The following SGK1 variants were observed in gnomAD, a reference collection of about 807,000 sequenced individuals.
The protein encoded by SGK1 is serine/threonine-protein kinase Sgk1.
Under a neutral mutation model 64.2 loss-of-function variants are expected in SGK1, and 26 were observed. The observed-to-expected ratio is 0.40, with a 90% CI of 0.30 to 0.56. The LOEUF is 0.56. Among genes scored for constraint, SGK1 ranks in the 20% least tolerant of loss-of-function variants. The pLI, the probability that SGK1 is intolerant of heterozygous loss-of-function variation, is 0.38. For missense variants in SGK1, 519 were observed against 645.6 expected (o/e 0.80, Z 2.12); for synonymous variants, 265 against 239.7 (o/e 1.11, Z -0.98).
intron 2 of SGK1, chr6:134,215,158 T>C (rs1298051101): frequency 1.9e-5 from 8 of 426,318 alleles, no homozygotes; most frequent in Non-Finnish European, 3.7e-5. Context: ...GAGAGAGCTT[T>C]GTTGCCCAGG....
At chr6:134,170,498 C>A in intron 13 of SGK1, 63 bp from the exon 14 acceptor site, 1 of 1,463,442 alleles carries the variant, frequency 6.8e-7, no homozygotes, top group South Asian at 1.3e-5. Flanking sequence ...ACAGGGAAAT[C>A]TTGACCAGGC....
chr6:134,196,757 C>T (rs924230771), intron 3 of SGK1, among the ~76,000 whole-genome samples: 1 of 152,188 alleles, frequency 6.6e-6, no homozygotes, highest in Non-Finnish European at 1.5e-5. Context: ...AGTTGAAGTA[C>T]GGGATGCCAA....
At chr6:134,316,646 T>C (rs1777688883) in intron 1 of SGK1, among the ~76,000 whole-genome samples, 1 of 147,040 alleles carries the variant, frequency 6.8e-6, no homozygotes, top group Non-Finnish European at 1.5e-5. Context: ...ACATTATTCA[T>C]ACTTTGAGTT....
Position 134,172,791 on chromosome 6 carries a change from A to G in SGK1, c.835-17T>C. 1 of 1,560,632 alleles carries G rather than the reference A, an allele frequency of 6.4e-7. No individual in the cohort carries two copies. The highest frequency in any genetic ancestry group is 8.8e-7 in the Non-Finnish European group (1 of 1,131,452). On this transcript the variant is annotated splice_polypyrimidine_tract_variant and intron_variant, in intron 8 of 13. Transcript: ENST00000367858. ...GTAGAACAACTGCAGGAGACAGAACAAAGTCATTCTGGGTTGCAAATGAAT... is the reference window on the plus strand; with the variant it reads ...GTAGAACAACTGCAGGAGACAGAACGAAGTCATTCTGGGTTGCAAATGAAT...
chr6:134,175,982 T>A lies in SGK1; in HGVS notation c.362-1396A>T, dbSNP rs922828926. The A allele has an allele frequency of 4.5e-6, 5 of 1,103,862 alleles. No individual in the cohort carries two copies. The African/African-American group carries it at 4.9e-5, about 11-fold the overall frequency. The allele number at this position is 1,103,862 out of a possible 1,614,324, so 68.4% of individuals were successfully genotyped here. A position where few individuals can be genotyped will look rare whatever the true frequency, so the allele number is the denominator to read the frequency against. ...GTCGTCTCTGCACTAAAGGAAGAAG[T>A]ACAATCTGCATTTCACTTTTTTTTT... On this transcript the variant is annotated intron_variant, in intron 3 of 13. Transcript: ENST00000367858.
chr6:134,293,652 T>G (rs1178101811), intron 1 of SGK1, among the ~76,000 whole-genome samples: 2 of 152,130 alleles, frequency 1.3e-5, no homozygotes, highest in Non-Finnish European at 2.9e-5. Context: ...TTTCGTGAGT[T>G]AGGAAAAAGT....
chr6:134,252,429 C>T (rs1052232736), intron 2 of SGK1, among the ~76,000 whole-genome samples: 3 of 152,142 alleles, frequency 2.0e-5, no homozygotes, highest in Non-Finnish European at 2.9e-5. Context: ...GGAACAAGGG[C>T]TTGATCAGGA....
chr6:134,290,150 CA>C (rs35039086), intron 1 of SGK1, among the ~76,000 whole-genome samples: 24,863 of 75,938 alleles, frequency 0.33, 3,448 homozygotes, highest in African/African-American at 0.55. Flanking sequence ...AGCTCCTTCT[CA>C]AAAAAAAAAA....
chr6:134,207,447 A>G lies in SGK1; in HGVS notation c.286-16T>C, dbSNP rs756746665. 6.4e-7 allele frequency: 1 copy of G among 1,574,622 alleles called. No homozygotes were observed. Among genetic ancestry groups the G allele is most frequent in the Admixed American group, 1.7e-5 (1 of 59,362 alleles). On this transcript the variant is annotated splice_polypyrimidine_tract_variant and intron_variant, in intron 2 of 13. Coordinates refer to ENST00000367858, the MANE Select transcript of SGK1 (RefSeq NM_001143676.3). ...GCTCTCTCACCTTTAAAACATAAAG[A>G]GAAAAGAAGTGATATAAAAATGGCT...
chr6:134,219,470 CAT>C (rs1776043743), intron 2 of SGK1, among the ~76,000 whole-genome samples: 1 of 152,108 alleles, frequency 6.6e-6, no homozygotes, highest in Non-Finnish European at 1.5e-5. Context: ...TATATCAAAA[CAT>C]ATAATTGGCC....
intron 10 of SGK1, 109 bp from the exon 11 acceptor site, chr6:134,171,841 T>G (rs1189291916): frequency 1.4e-6 from 1 of 695,198 alleles, no homozygotes; most frequent in East Asian, 2.7e-5. Context: ...GCTTGGAAGA[T>G]AGATATCTTT....
chr6:134,308,111 G>A (rs959912269), intron 1 of SGK1, among the ~76,000 whole-genome samples: 2 of 151,998 alleles, frequency 1.3e-5, no homozygotes, highest in Admixed American at 6.5e-5. Context: ...AAACCACACC[G>A]GAAGCTATGT....
intron 1 of SGK1, chr6:134,282,992 A>G (rs1777117484): frequency 6.6e-6 from 1 of 151,918 alleles, no homozygotes; most frequent in Admixed American, 6.6e-5. Context: ...AATAGCTGCT[A>G]TGTGAAAGAT....
At chr6:134,285,253 G>C (rs901065049) in intron 1 of SGK1, among the ~76,000 whole-genome samples, 1 of 152,194 alleles carries the variant, frequency 6.6e-6, no homozygotes, top group Non-Finnish European at 1.5e-5. Context: ...GAGGTCGGCA[G>C]ATTGCCTGAG....
At chr6:134,275,708 C>T (rs1777008249) in intron 1 of SGK1, among the ~76,000 whole-genome samples, 2 of 152,158 alleles carry the variant, frequency 1.3e-5, no homozygotes, top group South Asian at 4.1e-4. Flanking sequence ...GACCAAGTCT[C>T]CTAGGGTCTG....
At chr6:134,212,083 T>C (rs1775900696) in intron 2 of SGK1, among the ~76,000 whole-genome samples, 1 of 151,408 alleles carries the variant, frequency 6.6e-6, no homozygotes, top group African/African-American at 2.4e-5. Flanking sequence ...GGACGGAGTC[T>C]CTCTCTGTCG....
chr6:134,275,188 A>G (rs1000303266), intron 1 of SGK1, among the ~76,000 whole-genome samples: 1 of 152,160 alleles, frequency 6.6e-6, no homozygotes, highest in Non-Finnish European at 1.5e-5. Context: ...AGTAAATAAA[A>G]TAAAATAATT....
At chr6:134,225,485 A>G (rs1453253556) in intron 2 of SGK1, among the ~76,000 whole-genome samples, 1 of 152,200 alleles carries the variant, frequency 6.6e-6, no homozygotes, top group Non-Finnish European at 1.5e-5. Context: ...ACTGTCTCTA[A>G]AAAGAGGAAG....
intron 2 of SGK1, among the ~76,000 whole-genome samples, chr6:134,236,005 T>C (rs1776359590): frequency 6.6e-6 from 1 of 152,178 alleles, no homozygotes; most frequent in Admixed American, 6.5e-5. Flanking sequence ...AGGTCAGCCC[T>C]GATTTTGAGG....
Sources: gnomAD v4.1 joint callset for allele counts (sites outside exome capture counted in the v4.1 genomes callset) on GRCh38, gnomAD v4.1.1 for gene constraint, MANE v1.5 for transcripts, NCBI Gene and HGNC (gene_info 2026-07-23, HGNC 2026-07-21) for gene names.